The following KCNC4 variants were observed in gnomAD, a reference collection of about 807,000 sequenced individuals.
The protein encoded by KCNC4 is voltage-gated potassium channel KCNC4.
A neutral mutation model predicts 42.8 loss-of-function variants in KCNC4; 23 were observed. That is an observed-to-expected ratio of 0.54 (90% CI 0.39 to 0.76). The LOEUF (loss-of-function observed/expected upper bound fraction) is 0.76. Ranked by LOEUF, KCNC4 falls within the 30% of genes least tolerant of loss-of-function variation. KCNC4 has a pLI of 0.00. For missense variants in KCNC4, 751 were observed against 898.2 expected (o/e 0.84, Z 2.10); for synonymous variants, 422 against 393.5 (o/e 1.07, Z -0.86).
intron 1 of KCNC4, among the ~76,000 whole-genome samples, chr1:110,275,870 A>C (rs1297083391): frequency 6.6e-6 from 1 of 150,644 alleles, no homozygotes; most frequent in Admixed American, 6.7e-5. Context: ...ACACAGGAGA[A>C]TCACTTGGAC....
At chr1:110,273,794 G>C (rs1300824138) in intron 1 of KCNC4, among the ~76,000 whole-genome samples, 2 of 152,208 alleles carry the variant, frequency 1.3e-5, no homozygotes, top group Non-Finnish European at 2.9e-5. Context: ...ACTCACCTAG[G>C]AGTAGAGCAG....
downstream of KCNC4, chr1:110,235,278 CAATT>C (rs2101047799): frequency 6.6e-6 from 1 of 152,232 alleles, no homozygotes; most frequent in South Asian, 2.1e-4. Flanking sequence ...CAGCCAGTGT[CAATT>C]AAAGATAAAA....
At chr1:110,279,011 A>G (rs1659774458) in intron 1 of KCNC4, among the ~76,000 whole-genome samples, 1 of 152,066 alleles carries the variant, frequency 6.6e-6, no homozygotes, top group Non-Finnish European at 1.5e-5. Context: ...CACCTTCCCC[A>G]GGGGTGGGGA....
intron 1 of KCNC4, among the ~76,000 whole-genome samples, chr1:110,266,230 C>T (rs1212833862): frequency 2.0e-5 from 3 of 152,218 alleles, no homozygotes; most frequent in Admixed American, 1.3e-4. Context: ...GATCCCAACA[C>T]TGTTGCATGG....
At chr1:110,230,182 C>A (rs1349154332) in intron 3 of KCNC4, among the ~76,000 whole-genome samples, 1 of 152,186 alleles carries the variant, frequency 6.6e-6, no homozygotes, top group Non-Finnish European at 1.5e-5. Flanking sequence ...CACTGGGATA[C>A]CCCCACCCTG....
At chr1:110,235,384 G>C (rs915709566), downstream of KCNC4, 1 of 152,218 alleles carries the variant, frequency 6.6e-6, no homozygotes, top group Admixed American at 6.5e-5. Context: ...GGAAAAGCTT[G>C]GCCAGGCGAT....
At chr1:110,277,123 G>T (rs1375155593) in intron 1 of KCNC4, among the ~76,000 whole-genome samples, 1 of 152,204 alleles carries the variant, frequency 6.6e-6, no homozygotes, top group Non-Finnish European at 1.5e-5. Context: ...TAATCACAGG[G>T]ACTTAGGCTT....
exon 4 of KCNC4, chr1:110,240,185 C>T (rs1439441138): frequency 1.3e-5 from 2 of 152,190 alleles, no homozygotes; most frequent in Non-Finnish European, 2.9e-5. Flanking sequence ...CCACTCCTTC[C>T]AGTCTTCCTG....
At position 110,211,853 on chromosome 1, in the gene KCNC4, C is replaced by T; in HGVS notation, c.354C>T (p.Pro118=). Residue 118 remains proline, a synonymous_variant, in exon 1 of 4, where the codon CCC becomes CCT. Coordinates refer to ENST00000438661, the MANE Select transcript of KCNC4 (RefSeq NM_001039574.3). This position sits in a 1 kb window ranked among gnomAD's most constrained non-coding sequence, Gnocchi z 6.5. ...ACCGCACCGGCAAGCTGCACTGCCC[C>T]GCGGACGTGTGCGGGCCGCTCTTCG... The part of the protein sequence containing the change: ...NYYRTGKLHC[P]ADVCGPLFEE... The T allele has an allele frequency of 6.2e-7, 1 of 1,611,736 alleles. No individual in the cohort carries two copies. Among genetic ancestry groups the T allele is most frequent in the East Asian group, 2.2e-5 (1 of 44,864 alleles).
exon 4 of KCNC4, chr1:110,241,579 C>G (rs1419786678): frequency 6.6e-6 from 1 of 152,204 alleles, no homozygotes; most frequent in Non-Finnish European, 1.5e-5. Context: ...CTCCAATTAA[C>G]AAAGAAGGAC....
At chr1:110,277,491 T>C (rs748946743) in intron 1 of KCNC4, among the ~76,000 whole-genome samples, 1 of 152,240 alleles carries the variant, frequency 6.6e-6, no homozygotes, top group Non-Finnish European at 1.5e-5. Context: ...CTTGGAGCTC[T>C]TCCTCTCTAG....
At chr1:110,212,538 C>T (rs773940189) in intron 1 of KCNC4, among the ~76,000 whole-genome samples, 6 of 152,108 alleles carry the variant, frequency 3.9e-5, no homozygotes, top group Non-Finnish European at 5.9e-5. Context: ...CACAGGACTA[C>T]GGTCCTGGAA....
intron 2 of KCNC4, 69 bp from the exon 3 acceptor site, chr1:110,225,906 C>A: frequency 1.4e-6 from 2 of 1,389,218 alleles, no homozygotes; most frequent in Non-Finnish European, 2.0e-6. Flanking sequence ...GTCTGGGAGA[C>A]CCCAGATGAC....
At chr1:110,251,152 A>G (rs1659243747), downstream of KCNC4, among the ~76,000 whole-genome samples, 2 of 152,116 alleles carry the variant, frequency 1.3e-5, no homozygotes. Flanking sequence ...GGGCCCCAAC[A>G]TCACTGCATG....
chr1:110,280,693 A>C lies in KCNC4; in HGVS notation n.31-1841A>C, dbSNP rs931817232. 8.6e-5 allele frequency among the ~76,000 whole-genome samples: 13 copies of C among 152,038 alleles called. No individual in the cohort carries two copies. The South Asian group carries it at 2.5e-3, about 29-fold the overall frequency. ...AACTTTGCAATTCAAATAACAACAA[A>C]TTTTTTTTCAGTATAAGTATGGCAT... On this transcript the variant is annotated intron_variant and non_coding_transcript_variant, in intron 1 of 2. Transcript: ENST00000412512.
At chr1:110,278,840 C>T (rs1024907818) in intron 1 of KCNC4, among the ~76,000 whole-genome samples, 2 of 152,194 alleles carry the variant, frequency 1.3e-5, no homozygotes, top group African/African-American at 4.8e-5. Flanking sequence ...AGAGGTATCA[C>T]TTGTCACTGG....
intron 3 of KCNC4, chr1:110,232,404 G>T (rs952719416): frequency 2.0e-6 from 3 of 1,525,246 alleles, no homozygotes; most frequent in Non-Finnish European, 2.6e-6. Context: ...GACAGCAGAT[G>T]GAGCTACTTG....
At chr1:110,237,150 A>G (rs549994269), downstream of KCNC4, 2 of 152,086 alleles carry the variant, frequency 1.3e-5, no homozygotes, top group African/African-American at 2.4e-5. Flanking sequence ...TCTACACAAA[A>G]AAAAAGAAAA....
At position 110,223,076 on chromosome 1, in the gene KCNC4, G is replaced by T. The variant is rs139417687; in HGVS notation, c.791G>T (p.Gly264Val). 1.2e-6 allele frequency: 2 copies of T among 1,614,060 alleles called. No homozygotes were observed. Among genetic ancestry groups the T allele is most frequent in the African/African-American group, 2.7e-5 (2 of 74,914 alleles). The change falls in exon 2 of 4, where the codon GGG becomes GTG. Residue 264 changes from glycine to valine, a missense_variant. Physicochemically the swap from Gly to Val is moderately radical, Grantham distance 109 (BLOSUM62 -3). Coordinates refer to ENST00000438661, the MANE Select transcript of KCNC4 (RefSeq NM_001039574.3). The surrounding 1 kb of genome is among the most constrained non-coding windows in gnomAD (Gnocchi z 7.5). The part of the protein sequence containing the change: ...DRNVTEILRV[G>V]NITSVHFRRE... The stretch of plus-strand genomic sequence containing the variant: ...AACGTGACAGAGATCCTCCGCGTAG[G>T]GAACATCACCAGCGTGCACTTCCGG...
Sources: allele counts gnomAD v4.1 joint callset (sites outside exome capture counted in the v4.1 genomes callset), GRCh38; gene constraint gnomAD v4.1.1; non-coding constraint Gnocchi (gnomAD v3.1); transcripts MANE v1.5; gene names NCBI Gene and HGNC (gene_info 2026-07-23, HGNC 2026-07-21).